Variants in COL14A1 observed in about 807,000 individuals in gnomAD.
COL14A1 encodes collagen alpha-1(XIV) chain.
A neutral mutation model predicts 230.3 loss-of-function variants in COL14A1; 136 were observed. That is an observed-to-expected ratio of 0.59 (90% CI 0.51 to 0.68). COL14A1 has a LOEUF of 0.68. COL14A1 is among the 30% of genes least tolerant of loss of function. The pLI, the probability that COL14A1 is intolerant of heterozygous loss-of-function variation, is 0.00. For missense variants in COL14A1, 1,976 were observed against 2,215.8 expected, an observed-to-expected ratio of 0.89 and a Z score of 2.17; for synonymous variants, 792 against 784.1, an observed-to-expected ratio of 1.01 and a Z score of -0.17.
In COL14A1 at chr8:120,283,607, A is replaced by G. The variant is rs760371517; in HGVS notation, c.3825-29A>G. ...AGTAACTTTTTTGAGGAAGGATACA[A>G]TGAAACATGGTTTTCTTTCTATGTT... On this transcript the variant is annotated intron_variant, in intron 31 of 47. Coordinates refer to ENST00000297848, the MANE Select transcript of COL14A1 (RefSeq NM_021110.4). The G allele has an allele frequency of 8.3e-6, 13 of 1,569,978 alleles. No homozygotes were observed. In the East Asian group the frequency reaches 9.0e-5, roughly 11 times the overall value.
intron 45 of COL14A1, among the ~76,000 whole-genome samples, chr8:120,347,598 G>C (rs1822566598): frequency 6.6e-6 from 1 of 152,134 alleles, no homozygotes; most frequent in Non-Finnish European, 1.5e-5. Flanking sequence ...AAGATAAAGA[G>C]AGGAAAGGCC....
intron 37 of COL14A1, among the ~76,000 whole-genome samples, chr8:120,312,039 G>A (rs1821060595): frequency 6.6e-6 from 1 of 152,088 alleles, no homozygotes; most frequent in Non-Finnish European, 1.5e-5. Flanking sequence ...AGAGGCTGCC[G>A]TGAGCAGAGA....
Position 120,297,578 on chromosome 8 carries a change from T to C in COL14A1, c.4304T>C (p.Leu1435Pro). 7.1e-7 allele frequency: 1 copy of C among 1,398,940 alleles called. No individual in the cohort carries two copies. Among genetic ancestry groups the C allele is most frequent in the Non-Finnish European group, 9.3e-7 (1 of 1,069,560 alleles). The allele number at this position is 1,398,940 out of a possible 1,614,324, so 86.7% of individuals were successfully genotyped here. Residue 1435 changes from leucine to proline, a missense_variant, in exon 35 of 48, where the codon CTT becomes CCT. Physicochemically the swap from Leu to Pro is moderately conservative, Grantham distance 98. This residue lies in a region of COL14A1 where 1,791 missense variants were observed against 2,019.5 expected (regional missense o/e 0.89). Transcript: ENST00000297848. Reference sequence around the variant, plus strand: ...GCCAATACAGACAAATGCTGTGAACTTCCAGGCCTGGTAAGAATTCTTCCT... The same window carrying C: ...GCCAATACAGACAAATGCTGTGAACCTCCAGGCCTGGTAAGAATTCTTCCT... ...SWANTDKCCE[L>P]PGLRDDESCP...
chr8:120,151,113 A>G (rs1462363223), intron 2 of COL14A1, among the ~76,000 whole-genome samples: 2 of 152,210 alleles, frequency 1.3e-5, no homozygotes, highest in Admixed American at 6.5e-5. Context: ...GGAAACCTCA[A>G]TAAGAAACGC....
chr8:120,244,041 C>T (rs367898058), intron 20 of COL14A1, 33 bp downstream of exon 20: 23 of 1,599,916 alleles, frequency 1.4e-5, no homozygotes, highest in Admixed American at 3.5e-5. Context: ...GAATACAAGC[C>T]GACTCATTAA....
chr8:120,339,977 G>A (rs999242762), intron 42 of COL14A1, among the ~76,000 whole-genome samples: 1 of 150,474 alleles, frequency 6.6e-6, no homozygotes, highest in Admixed American at 6.6e-5. Context: ...GCCAGAGGCT[G>A]CAGTGAGCTG....
chr8:120,127,503 G>A (rs1486744330), intron 1 of COL14A1, among the ~76,000 whole-genome samples: 2 of 152,188 alleles, frequency 1.3e-5, no homozygotes, highest in Admixed American at 1.3e-4. Flanking sequence ...GCTGCGAACC[G>A]TCCAGCTGAG....
At chr8:120,126,892 G>T (rs1002523919) in intron 1 of COL14A1, among the ~76,000 whole-genome samples, 2 of 152,180 alleles carry the variant, frequency 1.3e-5, no homozygotes, top group African/African-American at 4.8e-5. Flanking sequence ...CTATTATAAG[G>T]TAAACTTCAG....
At chr8:120,180,895 A>G (rs1325442502) in intron 5 of COL14A1, among the ~76,000 whole-genome samples, 1 of 151,626 alleles carries the variant, frequency 6.6e-6, no homozygotes, top group East Asian at 1.9e-4. Context: ...TTTAGTAGAG[A>G]TGGGTTTCCC....
intron 42 of COL14A1, among the ~76,000 whole-genome samples, chr8:120,340,608 C>T (rs1822260214): frequency 6.6e-6 from 1 of 152,170 alleles, no homozygotes; most frequent in African/African-American, 2.4e-5. Flanking sequence ...TCTGAAGACA[C>T]GTGTTTTGCA....
chr8:120,302,988 C>T (rs1379746533), intron 36 of COL14A1, among the ~76,000 whole-genome samples: 1 of 152,006 alleles, frequency 6.6e-6, no homozygotes, highest in East Asian at 1.9e-4. Flanking sequence ...GTATTTTATG[C>T]TTTTTGTGGC....
chr8:120,333,955 A>G (rs561952768), intron 42 of COL14A1, among the ~76,000 whole-genome samples: 2 of 152,346 alleles, frequency 1.3e-5, no homozygotes, highest in Non-Finnish European at 2.9e-5. Flanking sequence ...ATCTCCCTAG[A>G]TAATTCCCAG....
chr8:120,290,983 G>A (rs930925008), intron 34 of COL14A1, among the ~76,000 whole-genome samples: 1 of 152,188 alleles, frequency 6.6e-6, no homozygotes, highest in Non-Finnish European at 1.5e-5. Flanking sequence ...TGGATTAGAT[G>A]TTTAGGAAGA....
At chr8:120,178,080 T>G (rs7386673) in intron 5 of COL14A1, among the ~76,000 whole-genome samples, 96,501 of 151,980 alleles carry the variant, frequency 0.63, 30,943 homozygotes, top group African/African-American at 0.7. Context: ...CTGTTTTTTT[T>G]TTTGTTTGTT....
At position 120,203,816 on chromosome 8, in the gene COL14A1, A is replaced by G. The variant is rs1471239720; in HGVS notation, c.985A>G (p.Ser329Gly). The change falls in exon 9 of 48, where the codon AGT becomes GGT. Residue 329 changes from serine (S) to glycine (G), a missense_variant. Ser to Gly is a moderately conservative substitution (Grantham distance 56, BLOSUM62 0). This residue lies in a region of COL14A1 where 1,791 missense variants were observed against 2,019.5 expected (regional missense o/e 0.89). Coordinates refer to ENST00000297848, the MANE Select transcript of COL14A1 (RefSeq NM_021110.4). ...CGATCTGATGCACACAGTTGTGGAG[A>G]GTCTGACCAGGACTCTCTGCTCTAG... is the stretch of plus-strand genomic sequence containing the variant. ...EFDLMHTVVE[S>G]LTRTLCSRVE... The G allele has an allele frequency of 6.2e-7, 1 of 1,613,936 alleles. No individual in the cohort carries two copies. The highest frequency in any genetic ancestry group is 2.2e-5 in the East Asian group (1 of 44,876).
chr8:120,316,033 A>G (rs930812901), intron 40 of COL14A1, 36 bp downstream of exon 40: 1 of 1,608,696 alleles, frequency 6.2e-7, no homozygotes, highest in East Asian at 2.2e-5. Flanking sequence ...TTAGCAAAGT[A>G]GTGACCTTTT....
At chr8:120,196,567 G>A (rs1817045644) in intron 5 of COL14A1, among the ~76,000 whole-genome samples, 3 of 152,188 alleles carry the variant, frequency 2.0e-5, no homozygotes, top group African/African-American at 7.2e-5. Context: ...GTGTGAACCT[G>A]CCCAGTATTT....
chr8:120,263,811 C>T (rs112591549), intron 24 of COL14A1, among the ~76,000 whole-genome samples: 2 of 152,064 alleles, frequency 1.3e-5, no homozygotes, highest in Non-Finnish European at 2.9e-5. Flanking sequence ...GCTCTTCCAG[C>T]CTCTCTGGCA....
chr8:120,261,512 A>T (rs1268583071), intron 23 of COL14A1, among the ~76,000 whole-genome samples: 2 of 152,188 alleles, frequency 1.3e-5, no homozygotes, highest in East Asian at 3.9e-4. Context: ...GAATATAATT[A>T]ATCCAGATTC....
Sources: allele counts gnomAD v4.1 joint callset (sites outside exome capture counted in the v4.1 genomes callset), GRCh38; gene constraint gnomAD v4.1.1; regional missense constraint gnomAD v4.1.1; transcripts MANE v1.5; gene names NCBI Gene and HGNC (gene_info 2026-07-23, HGNC 2026-07-21).